The following RPS29 variants were observed in gnomAD, a reference collection of about 807,000 sequenced individuals.
RPS29 encodes small ribosomal subunit protein uS14.
For missense variants in RPS29, 60 were observed against 75.7 expected, an observed-to-expected ratio of 0.79 and a Z score of 0.77; for synonymous variants, 37 against 26.9, an observed-to-expected ratio of 1.37 and a Z score of -1.16.
exon 3 of RPS29, chr14:49,572,621 G>A (rs1018413004): frequency 1.3e-5 from 2 of 152,148 alleles, no homozygotes; most frequent in Non-Finnish European, 2.9e-5. Context: ...CAAGGAACAA[G>A]TGTATTTAGA....
At chr14:49,596,913 T>C (rs978900470) in intron 1 of RPS29, among the ~76,000 whole-genome samples, 7 of 146,102 alleles carry the variant, frequency 4.8e-5, no homozygotes, top group African/African-American at 1.8e-4. Context: ...TAATTTTTTC[T>C]TCTTCTTTTT....
intron 2 of RPS29, among the ~76,000 whole-genome samples, chr14:49,584,882 A>G (rs1881468733): frequency 6.6e-6 from 1 of 151,900 alleles, no homozygotes; most frequent in African/African-American, 2.4e-5. Flanking sequence ...CACCTTAAAA[A>G]AAAAAACCCA....
intron 2 of RPS29, among the ~76,000 whole-genome samples, chr14:49,584,635 AC>A (rs1881453508): frequency 6.6e-6 from 1 of 151,928 alleles, no homozygotes; most frequent in Non-Finnish European, 1.5e-5. Flanking sequence ...GTGGTGGCAG[AC>A]GCCTGTAATC....
chr14:49,582,408 AG>A (rs1351122511), downstream of RPS29, among the ~76,000 whole-genome samples: 2 of 152,224 alleles, frequency 1.3e-5, no homozygotes, highest in Admixed American at 1.3e-4. Flanking sequence ...TCTTCCCCAC[AG>A]AATCTATGCT....
intron 2 of RPS29, chr14:49,577,917 A>C (rs1033308759): frequency 5.2e-6 from 6 of 1,158,758 alleles, no homozygotes; most frequent in Non-Finnish European, 6.3e-6. Context: ...AAATTCAATA[A>C]ATTTGTACTG....
At chr14:49,579,497 T>C (rs1257991456), downstream of RPS29, among the ~76,000 whole-genome samples, 2 of 151,954 alleles carry the variant, frequency 1.3e-5, no homozygotes, top group Non-Finnish European at 2.9e-5. Flanking sequence ...AGGCCAGGAG[T>C]ATAAGACCAA....
Position 49,585,934 on chromosome 14 carries a change from G to C in RPS29, c.162+16C>G. ...TCTCTGCCCAAACAACATGGAGTAC[G>C]CCTGCAGACGCCTACCTTAATGAAA... On this transcript the variant is annotated intron_variant, in intron 2 of 2. Transcript: ENST00000245458. 3 of 1,594,860 alleles carry C rather than the reference G, an allele frequency of 1.9e-6. No homozygotes were observed. The highest frequency in any genetic ancestry group is 1.7e-6 in the Non-Finnish European group (2 of 1,163,052).
chr14:49,579,818 T>C (rs1380493819), downstream of RPS29, among the ~76,000 whole-genome samples: 1 of 152,200 alleles, frequency 6.6e-6, no homozygotes, highest in Non-Finnish European at 1.5e-5. Context: ...ACAATAAGTG[T>C]GTTGTGAATA....
At chr14:49,598,304 C>CAATCAAGAA in intron 1 of RPS29, 1 of 607,528 alleles carries the variant, frequency 1.6e-6, no homozygotes, top group Non-Finnish European at 2.9e-6. Context: ...CTAGTTCAAT[C>CAATCAAGAA]AATCAAGAAA....
At chr14:49,590,674 G>T (rs1209142771), upstream of RPS29, among the ~76,000 whole-genome samples, 3 of 151,526 alleles carry the variant, frequency 2.0e-5, no homozygotes, top group Admixed American at 2.0e-4. Context: ...TTTTCCAGTT[G>T]GTTAGAATTA....
chr14:49,597,152 G>A (rs1000455421), intron 1 of RPS29, among the ~76,000 whole-genome samples: 4 of 152,090 alleles, frequency 2.6e-5, no homozygotes, highest in African/African-American at 9.7e-5. Context: ...GACCTCAGGC[G>A]ATTCTCCCGC....
rs770361927 is a variant in RPS29, at chr14:49,586,019, G to A, written c.93C>T (p.Ile31=). 2 of 1,613,618 alleles carry A rather than the reference G, an allele frequency of 1.2e-6. No individual in the cohort carries two copies. Among genetic ancestry groups the A allele is most frequent in the African/African-American group, 1.3e-5 (1 of 75,026 alleles). ...CRVCSNRHGL[I]RKYGLNMCRQ... ...GGCACATATTGAGGCCATATTTCCG[G>A]ATCAGACCGTGCCGGTTTGAACAGA... Residue 31 remains isoleucine (I), a synonymous_variant, in exon 2 of 3, where the codon ATC becomes ATT. Coordinates refer to ENST00000245458, the MANE Select transcript of RPS29 (RefSeq NM_001032.5).
intron 1 of RPS29, among the ~76,000 whole-genome samples, chr14:49,593,398 G>A (rs1881755904): frequency 6.6e-6 from 1 of 152,026 alleles, no homozygotes; most frequent in Admixed American, 6.6e-5. Flanking sequence ...ACACTCAAAT[G>A]TGCTGGATAA....
At chr14:49,586,579 C>G (rs530460514), upstream of RPS29, 3 of 547,478 alleles carry the variant, frequency 5.5e-6, no homozygotes, top group Non-Finnish European at 9.9e-6. Flanking sequence ...GGTATCCGAC[C>G]GCCGGGCGCG....
At chr14:49,597,501 CAAA>C in intron 1 of RPS29, 1 of 152,276 alleles carries the variant, frequency 6.6e-6, no homozygotes, top group African/African-American at 2.4e-5. Flanking sequence ...ATTACCCTCT[CAAA>C]GAACAAAAGC....
chr14:49,587,577 A>G (rs1594575610), upstream of RPS29, among the ~76,000 whole-genome samples: 1 of 152,234 alleles, frequency 6.6e-6, no homozygotes, highest in African/African-American at 2.4e-5. Flanking sequence ...GCATTGTATT[A>G]TATGATTAAG....
chr14:49,598,683 C>A lies in RPS29; in HGVS notation c.-416G>T, dbSNP rs1356460618. The A allele has an allele frequency of 7.1e-6, 5 of 700,186 alleles. No homozygotes were observed. In the African/African-American group the frequency reaches 8.7e-5, roughly 12 times the overall value. 43.4% of individuals were successfully genotyped at this position (700,186 alleles called of 1,614,324 possible). On this transcript the variant is annotated 5_prime_UTR_variant, in exon 1 of 4. Transcript: ENST00000556230. ...CAACAGCTGAAACCCTCGGAATCCTCCCCGAACAGAAACAACCACCGCTGC... is the reference window on the plus strand; with the variant it reads ...CAACAGCTGAAACCCTCGGAATCCTACCCGAACAGAAACAACCACCGCTGC...
downstream of RPS29, among the ~76,000 whole-genome samples, chr14:49,582,980 G>A (rs549990077): frequency 4.7e-4 from 72 of 152,260 alleles, no homozygotes; most frequent in Non-Finnish European, 8.1e-4. Flanking sequence ...ATTCAAAAGT[G>A]TGTGAACATA....
chr14:49,596,726 T>C (rs896875515), intron 1 of RPS29, among the ~76,000 whole-genome samples: 1 of 151,862 alleles, frequency 6.6e-6, no homozygotes, highest in Non-Finnish European at 1.5e-5. Flanking sequence ...ACTGAATCCA[T>C]GCTTCAACAA....
Sources: gnomAD v4.1 joint callset for allele counts (sites outside exome capture counted in the v4.1 genomes callset) on GRCh38, gnomAD v4.1.1 for gene constraint, MANE v1.5 for transcripts, NCBI Gene and HGNC (gene_info 2026-07-23, HGNC 2026-07-21) for gene names.